PABPC4: variants seen among roughly 807,000 people sequenced by gnomAD.
The protein encoded by PABPC4 is poly(A) binding protein cytoplasmic 4.
A neutral mutation model predicts 74.5 loss-of-function variants in PABPC4; 15 were observed. The ratio of observed to expected loss-of-function variants is 0.20; its 90% CI spans 0.13 to 0.31. The LOEUF is 0.31. PABPC4 is among the 10% of genes least tolerant of loss of function. The pLI, the probability that PABPC4 is intolerant of heterozygous loss-of-function variation, is 1.00. For missense variants in PABPC4, 610 were observed against 853.5 expected (o/e 0.71, Z 3.55); for synonymous variants, 345 against 303.0 (o/e 1.14, Z -1.44).
intron 7 of PABPC4, chr1:39,567,316 GGTA>G (rs1318662413): frequency 4.0e-6 from 2 of 500,192 alleles, no homozygotes; most frequent in Admixed American, 4.0e-5. Context: ...TTAAGACCAG[GGTA>G]GAAGTTCCCA....
Position 39,572,441 on chromosome 1 carries a change from C to G in PABPC4, c.339G>C (p.Lys113Asn). The G allele has an allele frequency of 6.2e-7, 1 of 1,614,034 alleles. No homozygotes were observed. Among genetic ancestry groups the G allele is most frequent in the Non-Finnish European group, 8.5e-7 (1 of 1,179,950 alleles). Residue 113 changes from lysine (K) to asparagine (N), a missense_variant, in exon 2 of 16, where the codon AAG (lysine) becomes AAC (asparagine). Physicochemically the swap from Lys to Asn is moderately conservative, Grantham distance 94. This residue lies in a region of PABPC4 where 304 missense variants were observed against 478.9 expected (regional missense o/e 0.63). Transcript: ENST00000372858. ...AAGCAGAAAAAGTATCATAAAGTGC[C>G]TTGTTATCTATAGATTTGTCCAGGT... ...IKNLDKSIDN[K>N]ALYDTFSAFG...
At chr1:39,573,490 A>G (rs1645972087) in intron 1 of PABPC4, among the ~76,000 whole-genome samples, 1 of 152,164 alleles carries the variant, frequency 6.6e-6, no homozygotes, top group African/African-American at 2.4e-5. Flanking sequence ...TAGCTTCCCA[A>G]CCAAGTCCGT....
At chr1:39,573,654 T>C (rs538644022) in intron 1 of PABPC4, among the ~76,000 whole-genome samples, 5 of 152,108 alleles carry the variant, frequency 3.3e-5, no homozygotes, top group Non-Finnish European at 5.9e-5. Context: ...ACCCCATCTC[T>C]ACTAAAAATA....
intron 12 of PABPC4, chr1:39,563,358 T>C (rs1161523522): frequency 4.5e-6 from 2 of 445,850 alleles, no homozygotes; most frequent in Non-Finnish European, 8.0e-6. Flanking sequence ...AGCACATTAT[T>C]TCGTACAAAC....
chr1:39,562,372 A>C lies in PABPC4; in HGVS notation c.1713T>G (p.Thr571=), dbSNP rs1333608645. 1 of 1,614,032 alleles carries C rather than the reference A, an allele frequency of 6.2e-7. No homozygotes were observed. Among genetic ancestry groups the C allele is most frequent in the Non-Finnish European group, 8.5e-7 (1 of 1,180,006 alleles). The change falls in exon 13 of 16, where the codon ACT becomes ACG. Residue 571 remains threonine, a synonymous_variant. Transcript: ENST00000372858. ...GGGGTGCTGCAGCCAGCATGGAGGC[A>C]GTCAGTGGCTCCTGCCCCTGCACAT... The part of the protein sequence containing the change: ...AVHVQGQEPL[T]ASMLAAAPPQ...
chr1:39,566,774 A>T (rs1645850150), intron 7 of PABPC4, among the ~76,000 whole-genome samples: 1 of 152,206 alleles, frequency 6.6e-6, no homozygotes, highest in Non-Finnish European at 1.5e-5. Flanking sequence ...ACTACTAGGC[A>T]GATAAGCAAG....
At chr1:39,573,589 C>T (rs1185274526) in intron 1 of PABPC4, among the ~76,000 whole-genome samples, 1 of 152,132 alleles carries the variant, frequency 6.6e-6, no homozygotes, top group South Asian at 2.1e-4. Context: ...GAGGCCAAGG[C>T]GGGTGGATTA....
At chr1:39,564,852 A>C in intron 8 of PABPC4, 79 bp from the exon 9 acceptor site, 1 of 1,132,496 alleles carries the variant, frequency 8.8e-7, no homozygotes. Flanking sequence ...CATCTCACTA[A>C]CCAGGACCTA....
intron 7 of PABPC4, 35 bp downstream of exon 7, chr1:39,567,716 C>CCA (rs768954656): frequency 1.0e-6 from 1 of 1,000,238 alleles, no homozygotes; most frequent in East Asian, 2.4e-5. Context: ...TAATGGAATA[C>CCA]CACTGCTTTC....
rs1645777523 is a variant in PABPC4 at position 39,562,220 on chromosome 1, TAATA to T, written c.1763-21_1763-18del. 6.2e-6 allele frequency: 10 copies of T among 1,613,720 alleles called. No homozygotes were observed. The highest frequency in any genetic ancestry group is 8.5e-6 in the Non-Finnish European group (10 of 1,179,848). ...AGCGTTCTCCTATGGGGAGGATAGT[TAATA>T]AAAAAACAAATCAAATCCCAGTAAA... is the stretch of plus-strand genomic sequence containing the variant. On this transcript the variant is annotated intron_variant, in intron 13 of 15. Transcript: ENST00000372858.
At chr1:39,568,593 C>G in intron 6 of PABPC4, 2 of 467,034 alleles carry the variant, frequency 4.3e-6, no homozygotes, top group Non-Finnish European at 7.4e-6. Flanking sequence ...TAGAGAGCTT[C>G]TTGATGAATA....
At chr1:39,575,686 G>A (rs1327323127) in intron 1 of PABPC4, 73 bp downstream of exon 1, 4 of 1,290,548 alleles carry the variant, frequency 3.1e-6, no homozygotes, top group Non-Finnish European at 4.2e-6. Flanking sequence ...TCCTCGGCAG[G>A]AGGGCCCTGC....
At chr1:39,571,909 G>A (rs1476285573) in intron 2 of PABPC4, among the ~76,000 whole-genome samples, 1 of 152,122 alleles carries the variant, frequency 6.6e-6, no homozygotes, top group East Asian at 1.9e-4. Flanking sequence ...TAAGAGATCT[G>A]GGTGCAAACC....
At position 39,561,804 on chromosome 1, in the gene PABPC4, G is replaced by C. The variant is rs775892356; in HGVS notation, c.1894-17C>G. 1.2e-5 allele frequency: 19 copies of C among 1,607,170 alleles called. No homozygotes were observed. In the East Asian group the frequency reaches 4.2e-4, roughly 36 times the overall value. On this transcript the variant is annotated splice_polypyrimidine_tract_variant and intron_variant, in intron 14 of 15. Transcript: ENST00000372858. ...TTCATCCACCTGCGAGAAATCTTCA[G>C]GTGGTCAGTGAATCTAGGAGAGCTA...
chr1:39,570,923 A>G (rs1363789906), intron 3 of PABPC4, among the ~76,000 whole-genome samples: 1 of 152,132 alleles, frequency 6.6e-6, no homozygotes, highest in African/African-American at 2.4e-5. Context: ...GCTGGCCAAG[A>G]CCCCGACTCA....
chr1:39,562,350 G>A lies in PABPC4; in HGVS notation c.1735C>T (p.Pro579Ser). 1.2e-6 allele frequency: 2 copies of A among 1,614,078 alleles called. No homozygotes were observed. The highest frequency in any genetic ancestry group is 1.7e-6 in the Non-Finnish European group (2 of 1,180,012). ...PLTASMLAAA[P>S]PQEQKQMLGE... ...AGCATCTGCTTCTGTTCCTGGGGGG[G>A]TGCTGCAGCCAGCATGGAGGCAGTC... The change falls in exon 13 of 16, where the codon CCC becomes TCC. Residue 579 changes from proline (P) to serine (S), a missense_variant. Around this residue, in one of 4 missense-constraint regions of PABPC4, gnomAD observed 277 missense variants for 301.8 expected, o/e 0.92. Coordinates refer to ENST00000372858, the MANE Select transcript of PABPC4 (RefSeq NM_001135653.2).
intron 7 of PABPC4, chr1:39,567,273 T>C (rs181034997): frequency 6.2e-4 from 256 of 415,332 alleles, no homozygotes; most frequent in Middle Eastern, 3.0e-3. Context: ...CTACGAAACA[T>C]AGAAAAACCT....
intron 3 of PABPC4, 115 bp from the exon 4 acceptor site, chr1:39,570,117 A>G: frequency 9.9e-7 from 1 of 1,014,330 alleles, no homozygotes; most frequent in East Asian, 2.4e-5. Context: ...CGAGATCCCC[A>G]TCCACCACCA....
chr1:39,569,714 A>G, intron 4 of PABPC4, 25 bp from the exon 5 acceptor site: 7 of 1,594,804 alleles, frequency 4.4e-6, no homozygotes, highest in Non-Finnish European at 6.0e-6. Context: ...CAGAACTATT[A>G]GTAACACCAT....
Sources: gnomAD v4.1 joint callset for allele counts (sites outside exome capture counted in the v4.1 genomes callset) on GRCh38, gnomAD v4.1.1 for gene constraint, gnomAD v4.1.1 regional missense constraint, MANE v1.5 for transcripts, NCBI Gene and HGNC (gene_info 2026-07-23, HGNC 2026-07-21) for gene names.